Variants in TTC21A observed in about 807,000 individuals in gnomAD.
TTC21A encodes tetratricopeptide repeat protein 21A.
In TTC21A, 128 loss-of-function variants were observed where a neutral mutation model predicts 156.4. The ratio of observed to expected loss-of-function variants is 0.82; its 90% CI spans 0.71 to 0.95. The LOEUF (loss-of-function observed/expected upper bound fraction) is 0.95. TTC21A is among the 40% of genes least tolerant of loss of function. TTC21A has a pLI of 0.00. For synonymous variants in TTC21A, 587 were observed against 617.1 expected, an observed-to-expected ratio of 0.95 and a Z score of 0.72; for missense variants, 1,435 against 1,602.3, an observed-to-expected ratio of 0.90 and a Z score of 1.78.
intron 11 of TTC21A, 27 bp from the exon 12 acceptor site, chr3:39,126,234 C>T (rs766929230): frequency 1.2e-6 from 2 of 1,613,692 alleles, no homozygotes; most frequent in East Asian, 2.2e-5. Context: ...CAAACCTACT[C>T]CCACCTCCAC....
At position 39,130,387 on chromosome 3, in the gene TTC21A, A is replaced by T. The variant is rs1265297131; in HGVS notation, c.2319+29A>T. ...AGGCTGGGCTAGGGTGTGAAGGGGC[A>T]GGGAGGGCCAGCCCAGCAGGGAAGG... On this transcript the variant is annotated intron_variant, in intron 17 of 28. Coordinates refer to ENST00000683103, the MANE Select transcript of TTC21A (RefSeq NM_001366900.1). This position sits in a 1 kb window ranked among gnomAD's most constrained non-coding sequence, Gnocchi z 4.5. The T allele has an allele frequency of 1.3e-6, 2 of 1,560,138 alleles. No homozygotes were observed. The highest frequency in any genetic ancestry group is 3.5e-5 in the Admixed American group (2 of 57,296).
In TTC21A at chr3:39,130,894, C is replaced by A. The variant is rs1450156567; in HGVS notation, c.2458+55C>A. On this transcript the variant is annotated intron_variant, in intron 18 of 28. Coordinates refer to ENST00000683103, the MANE Select transcript of TTC21A (RefSeq NM_001366900.1). The surrounding 1 kb of genome is among the most constrained non-coding windows in gnomAD (Gnocchi z 4.5). Reference sequence around the variant, plus strand: ...ATTTGGAGCAGACATACTCCTCCCCCATTCCCCATTAGCTGAAGTCCTGAT... The same window carrying A: ...ATTTGGAGCAGACATACTCCTCCCCAATTCCCCATTAGCTGAAGTCCTGAT... The A allele has an allele frequency of 5.0e-6, 8 of 1,610,380 alleles. No homozygotes were observed. The African/African-American group carries it at 9.4e-5, about 19-fold the overall frequency.
chr3:39,119,248 G>C (rs2037540874), intron 7 of TTC21A: 2 of 152,106 alleles, frequency 1.3e-5, no homozygotes, highest in Admixed American at 1.3e-4. Context: ...TTTGCTTTTG[G>C]CACTTCTCTG....
chr3:39,111,291 C>T (rs946806806), intron 4 of TTC21A, among the ~76,000 whole-genome samples: 10 of 152,210 alleles, frequency 6.6e-5, no homozygotes, highest in Non-Finnish European at 8.8e-5. Flanking sequence ...GACCTCACTG[C>T]AGCCTCAACC....
intron 19 of TTC21A, chr3:39,131,688 A>T (rs1559709381): frequency 6.6e-6 from 1 of 152,540 alleles, no homozygotes; most frequent in Non-Finnish European, 1.5e-5. Context: ...CTCTCTAAAG[A>T]GTGCAGTGCA....
Position 39,138,694 on chromosome 3 carries a change from TTC to T in TTC21A, c.3865-9_3865-8del. ...AAACCTGCATGATACTGCACACCCA[TTC>T]TCTCTCTGTTCCAGGTCCTCAGGGA... On this transcript the variant is annotated splice_polypyrimidine_tract_variant and intron_variant, in intron 28 of 28. Coordinates refer to ENST00000683103, the MANE Select transcript of TTC21A (RefSeq NM_001366900.1). 2 of 1,614,050 alleles carry T rather than the reference TTC, an allele frequency of 1.2e-6. No homozygotes were observed.
chr3:39,138,630 C>CAGCA lies in TTC21A; in HGVS notation c.3864+8_3864+11dup. 6.2e-7 allele frequency: 1 copy of CAGCA among 1,614,190 alleles called. No homozygotes were observed. Among genetic ancestry groups the CAGCA allele is most frequent in the Non-Finnish European group, 8.5e-7 (1 of 1,180,020 alleles). ...CATTGAAATCTGCAACGATGTAAGC[C>CAGCA]AGCAGCCTTGGTGGGGAGGGCCTGG... On this transcript the variant is annotated splice_region_variant and intron_variant, in intron 28 of 28. Coordinates refer to ENST00000683103, the MANE Select transcript of TTC21A (RefSeq NM_001366900.1).
intron 1 of TTC21A, 89 bp from the exon 2 acceptor site, chr3:39,108,996 T>A (rs1399536676): frequency 2.9e-5 from 41 of 1,424,772 alleles, no homozygotes; most frequent in Non-Finnish European, 3.9e-5. Flanking sequence ...GAGCAGGGGA[T>A]AGGGAAGGGA....
At chr3:39,136,778 A>G in intron 23 of TTC21A, 121 bp from the exon 24 acceptor site, 1 of 1,319,170 alleles carries the variant, frequency 7.6e-7, no homozygotes, top group South Asian at 1.4e-5. Flanking sequence ...CCTCCAGGGG[A>G]GCTGGGAAAC....
At position 39,110,968 on chromosome 3, in the gene TTC21A, C is replaced by A; in HGVS notation, c.386C>A (p.Ala129Asp). The A allele has an allele frequency of 6.2e-7, 1 of 1,613,852 alleles. No individual in the cohort carries two copies. The highest frequency in any genetic ancestry group is 8.5e-7 in the Non-Finnish European group (1 of 1,179,894). Residue 129 changes from alanine to aspartate, a missense_variant, in exon 4 of 29, where the codon GCC becomes GAC. Ala to Asp is a moderately radical substitution (Grantham distance 126). Transcript: ENST00000683103. ...TGGCTCATAGGCCGCCATGACAAGG[C>A]CAAAGAGTACATTGACCGCATGCTG... ...FLWLIGRHDK[A>D]KEYIDRMLKI... is the part of the protein sequence containing the mutation.
intron 19 of TTC21A, among the ~76,000 whole-genome samples, chr3:39,132,263 A>G (rs1294390613): frequency 6.6e-6 from 1 of 152,212 alleles, no homozygotes; most frequent in East Asian, 1.9e-4. Context: ...CTGAAATGTT[A>G]TGCAGCACGT....
At chr3:39,113,672 G>A (rs2037021003) in intron 5 of TTC21A, among the ~76,000 whole-genome samples, 1 of 152,168 alleles carries the variant, frequency 6.6e-6, no homozygotes, top group African/African-American at 2.4e-5. Context: ...TCACCCTAGG[G>A]CATATTGTCA....
Position 39,121,165 on chromosome 3 carries a change from A to G in TTC21A, c.1069A>G (p.Lys357Glu). Residue 357 changes from lysine (K) to glutamate (E), a missense_variant, in exon 9 of 29, where the codon AAG (lysine) becomes GAG (glutamate). By Grantham distance (56) the Lys-to-Glu change is moderately conservative. Coordinates refer to ENST00000683103, the MANE Select transcript of TTC21A (RefSeq NM_001366900.1). ...LWYSEAMKLDKDGMAGLTGII... is the reference protein window; with the variant it reads ...LWYSEAMKLDEDGMAGLTGII... ...GTATTCAGAAGCCATGAAACTGGAC[A>G]AGGATGGCATGGCTGGTTTGACAGG... 1 of 1,613,810 alleles carries G rather than the reference A, an allele frequency of 6.2e-7. No homozygotes were observed. Among genetic ancestry groups the G allele is most frequent in the Non-Finnish European group, 8.5e-7 (1 of 1,179,768 alleles).
rs753950509 is a variant in TTC21A at position 39,138,403 on chromosome 3, A to G, written c.3796+16A>G. 5.6e-6 allele frequency: 9 copies of G among 1,613,882 alleles called. No individual in the cohort carries two copies. The highest frequency in any genetic ancestry group is 7.6e-6 in the Non-Finnish European group (9 of 1,179,922). The stretch of plus-strand genomic sequence containing the variant: ...CCTGCCATTGGTAAGGCAACCAGCC[A>G]GGGTGCACGTGAATGGACGTGGGAG... On this transcript the variant is annotated intron_variant, in intron 27 of 28. Coordinates refer to ENST00000683103, the MANE Select transcript of TTC21A (RefSeq NM_001366900.1).
At position 39,112,503 on chromosome 3, in the gene TTC21A, C is replaced by T; in HGVS notation, c.481C>T (p.His161Tyr). The change falls in exon 5 of 29, where the codon CAC becomes TAC. Residue 161 changes from histidine (H) to tyrosine (Y), a missense_variant. Physicochemically the swap from His to Tyr is moderately conservative, Grantham distance 83. Transcript: ENST00000683103. ...GGTGGACCTGACCTCAGACAAGCCC[C>T]ACACTGCGAAGAAAGCCATTGAGTA... ...GWVDLTSDKPHTAKKAIEYLE... is the reference protein window; with the variant it reads ...GWVDLTSDKPYTAKKAIEYLE... The T allele has an allele frequency of 1.2e-6, 2 of 1,614,166 alleles. No homozygotes were observed. The highest frequency in any genetic ancestry group is 1.7e-6 in the Non-Finnish European group (2 of 1,180,034).
rs2038471735 is a variant in TTC21A, at chr3:39,128,711, TC to T, written c.1681-4del. 20 of 1,613,520 alleles carry T rather than the reference TC, an allele frequency of 1.2e-5. No homozygotes were observed. In the East Asian group the frequency reaches 4.2e-4, roughly 34 times the overall value. ...GGAGCCCCACACTCTGCTGTGCTCC[TC>T]CTAGGTCCGAGATCACCCCCTCTAC... is the stretch of plus-strand genomic sequence containing the variant. On this transcript the variant is annotated splice_polypyrimidine_tract_variant and splice_region_variant and intron_variant, in intron 13 of 28. Transcript: ENST00000683103.
chr3:39,128,364 G>A lies in TTC21A; in HGVS notation c.1556G>A (p.Arg519His), dbSNP rs761439508. The A allele has an allele frequency of 3.0e-5, 49 of 1,614,046 alleles. No individual in the cohort carries two copies. The highest frequency in any genetic ancestry group is 1.6e-4 in the Middle Eastern group (1 of 6,080). ...GAGAATGCCCAGAGCATCCTGCAGCGTTGCCTGGAGCTGGACCCCGCCTCC... is the reference window on the plus strand; with the variant it reads ...GAGAATGCCCAGAGCATCCTGCAGCATTGCCTGGAGCTGGACCCCGCCTCC... ...ELENAQSILQ[R>H]CLELDPASVD... Residue 519 changes from arginine to histidine, a missense_variant, in exon 13 of 29, where the codon CGT becomes CAT. Transcript: ENST00000683103.
At chr3:39,122,384 T>C (rs948825686) in intron 9 of TTC21A, among the ~76,000 whole-genome samples, 1 of 151,600 alleles carries the variant, frequency 6.6e-6, no homozygotes, top group Non-Finnish European at 1.5e-5. Flanking sequence ...TTCACATTTC[T>C]AGAAGATGGA....
intron 6 of TTC21A, among the ~76,000 whole-genome samples, chr3:39,115,730 A>G (rs1285231758): frequency 1.3e-5 from 2 of 152,080 alleles, no homozygotes; most frequent in Non-Finnish European, 2.9e-5. Flanking sequence ...TATCGCAATC[A>G]TTCTAAAATG....
Sources: allele counts gnomAD v4.1 joint callset (sites outside exome capture counted in the v4.1 genomes callset), GRCh38; gene constraint gnomAD v4.1.1; non-coding constraint Gnocchi (gnomAD v3.1); transcripts MANE v1.5; gene names NCBI Gene and HGNC (gene_info 2026-07-23, HGNC 2026-07-21).